Variants in RNF24 observed in about 807,000 individuals in gnomAD.
RNF24 encodes the protein ring finger protein 24.
In RNF24, 14 loss-of-function variants were observed where a neutral mutation model predicts 20.0. The observed-to-expected ratio is 0.70, with a 90% confidence interval of 0.46 to 1.10. RNF24 has a LOEUF of 1.10. RNF24 is among the 50% of genes least tolerant of loss of function. The pLI is 0.00. For missense variants in RNF24, 124 were observed against 177.6 expected (o/e 0.70, Z 1.71); for synonymous variants, 45 against 61.1 (o/e 0.74, Z 1.23).
intron 2 of RNF24, among the ~76,000 whole-genome samples, chr20:3,954,621 C>A (rs1416452334): frequency 6.6e-6 from 1 of 152,064 alleles, no homozygotes; most frequent in Non-Finnish European, 1.5e-5. Flanking sequence ...TTTTGAAGAA[C>A]TGGCCAGGTA....
intron 2 of RNF24, among the ~76,000 whole-genome samples, chr20:3,959,578 T>C (rs755146164): frequency 2.0e-4 from 30 of 152,240 alleles, no homozygotes; most frequent in Non-Finnish European, 3.8e-4. Context: ...AACTGGGGTA[T>C]GCATCACCCC....
At chr20:4,012,590 T>A (rs1167637679) in intron 1 of RNF24, among the ~76,000 whole-genome samples, 1 of 152,214 alleles carries the variant, frequency 6.6e-6, no homozygotes, top group African/African-American at 2.4e-5. Context: ...ATATTACTAT[T>A]CTAATGAATA....
chr20:3,972,968 C>T (rs1386408444), intron 1 of RNF24, among the ~76,000 whole-genome samples: 3 of 151,508 alleles, frequency 2.0e-5, no homozygotes, highest in South Asian at 2.1e-4. Context: ...TTTGGGAGGC[C>T]GAGGCGGGTG....
At chr20:4,008,294 G>C (rs1982044261) in intron 1 of RNF24, among the ~76,000 whole-genome samples, 1 of 125,206 alleles carries the variant, frequency 8.0e-6, no homozygotes, top group African/African-American at 3.1e-5. Context: ...CAGAGTCCAG[G>C]TGCAAGACTG....
In RNF24 at chr20:3,934,218, C is replaced by G; in HGVS notation, c.309-17G>C. The G allele has an allele frequency of 1.2e-6, 2 of 1,602,384 alleles. No individual in the cohort carries two copies. The highest frequency in any genetic ancestry group is 1.7e-6 in the Non-Finnish European group (2 of 1,174,402). On this transcript the variant is annotated splice_polypyrimidine_tract_variant and intron_variant, in intron 5 of 5. Coordinates refer to ENST00000358395, the MANE Select transcript of RNF24 (RefSeq NM_001134337.3). The surrounding 1 kb of genome is among the most constrained non-coding windows in gnomAD (Gnocchi z 4.0). Reference sequence around the variant, plus strand: ...ATAAGGCACCTGCAGAAGGAGACACCACAGGGGGAAGATGTCAGTCCTATG... The same window carrying G: ...ATAAGGCACCTGCAGAAGGAGACACGACAGGGGGAAGATGTCAGTCCTATG...
At chr20:3,963,684 A>C (rs2146989008) in intron 2 of RNF24, among the ~76,000 whole-genome samples, 191 bp downstream of exon 2, 1 of 152,386 alleles carries the variant, frequency 6.6e-6, no homozygotes, top group East Asian at 1.9e-4. Flanking sequence ...ACACTTCATC[A>C]GTAGATAAGA....
chr20:3,957,174 T>G (rs11907357), intron 2 of RNF24, among the ~76,000 whole-genome samples: 1 of 152,060 alleles, frequency 6.6e-6, no homozygotes, highest in Non-Finnish European at 1.5e-5. Flanking sequence ...GGTACACGCC[T>G]GTAATCCCAG....
At chr20:4,003,854 G>C (rs989594608) in intron 1 of RNF24, among the ~76,000 whole-genome samples, 8 of 152,004 alleles carry the variant, frequency 5.3e-5, no homozygotes, top group Non-Finnish European at 7.4e-5. Context: ...ATGTTGGACA[G>C]GCTGGTCTCA....
rs575352920 is a variant in RNF24, at chr20:3,938,037, G to C, written c.229-2964C>G. On this transcript the variant is annotated intron_variant, in intron 4 of 5. Coordinates refer to ENST00000358395, the MANE Select transcript of RNF24 (RefSeq NM_001134337.3). ...TACCTTTTTGAGGAGCTACCAAACC[G>C]ATTTCCAAAGCGGCTGCACCATTTT... is the stretch of plus-strand genomic sequence containing the variant. Among the ~76,000 whole-genome samples the C allele has an allele frequency of 3.3e-5, 5 of 152,292 alleles. No homozygotes were observed. In the East Asian group the frequency reaches 9.6e-4, roughly 29 times the overall value.
chr20:3,999,169 G>A (rs2147061516), intron 1 of RNF24, among the ~76,000 whole-genome samples: 1 of 152,300 alleles, frequency 6.6e-6, no homozygotes, highest in Non-Finnish European at 1.5e-5. Flanking sequence ...TAGTCAGCTG[G>A]AAAATTAGTT....
rs533398941 is a variant in RNF24 at position 3,934,796 on chromosome 20, T to A, written c.308+198A>T. Among the ~76,000 whole-genome samples the A allele has an allele frequency of 3.6e-4, 55 of 152,226 alleles. No homozygotes were observed. The highest frequency in any genetic ancestry group is 3.1e-3 in the Admixed American group (48 of 15,278). ...TCTGCCCATAGTCCTGACGTGGTGGTCACGTTCCACCACTCTGCTGTCTCC... is the reference window on the plus strand; with the variant it reads ...TCTGCCCATAGTCCTGACGTGGTGGACACGTTCCACCACTCTGCTGTCTCC... On this transcript the variant is annotated intron_variant, in intron 5 of 5. Coordinates refer to ENST00000358395, the MANE Select transcript of RNF24 (RefSeq NM_001134337.3). This position sits in a 1 kb window ranked among gnomAD's most constrained non-coding sequence, Gnocchi z 4.0.
intron 1 of RNF24, among the ~76,000 whole-genome samples, chr20:3,967,973 C>CAAAAAAAAAAAAA: frequency 1.3e-5 from 1 of 77,180 alleles, no homozygotes; most frequent in Non-Finnish European, 2.5e-5. Flanking sequence ...AGCCTGGCAA[C>CAAAAAAAAAAAAA]AAAAAAAAAA....
chr20:3,959,871 C>G (rs1297756853), intron 2 of RNF24, among the ~76,000 whole-genome samples: 1 of 152,172 alleles, frequency 6.6e-6, no homozygotes, highest in East Asian at 1.9e-4. Flanking sequence ...AATATCGTGC[C>G]AGGCACGATT....
chr20:3,948,863 T>A (rs1325477311), intron 2 of RNF24, among the ~76,000 whole-genome samples: 1 of 152,240 alleles, frequency 6.6e-6, no homozygotes, highest in African/African-American at 2.4e-5. Context: ...CTTGTGAGAT[T>A]CTTCCATATT....
chr20:3,956,999 T>TAGCTGGGCATC (rs891305237), intron 2 of RNF24, among the ~76,000 whole-genome samples: 1 of 151,764 alleles, frequency 6.6e-6, no homozygotes, highest in East Asian at 1.9e-4. Context: ...ATTGAAAAAT[T>TAGCTGGGCATC]AGCTGGGCAT....
chr20:4,014,053 G>A (rs73088415), intron 1 of RNF24, among the ~76,000 whole-genome samples: 4,203 of 152,338 alleles, frequency 0.028, 89 homozygotes, highest in Middle Eastern at 0.044. Flanking sequence ...CAGTCTGACA[G>A]AGTCAACGTT....
chr20:3,980,274 C>T (rs1568646855), intron 1 of RNF24, among the ~76,000 whole-genome samples: 1 of 152,212 alleles, frequency 6.6e-6, no homozygotes, highest in Non-Finnish European at 1.5e-5. Flanking sequence ...CTGCTATGTA[C>T]AGTAGTCCCT....
At chr20:3,977,604 G>A (rs6116142) in intron 1 of RNF24, among the ~76,000 whole-genome samples, 2,060 of 152,186 alleles carry the variant, frequency 0.014, 55 homozygotes, top group African/African-American at 0.047. Context: ...GGTGGCTCAC[G>A]CCTGTAATCC....
chr20:4,015,294 A>C (rs2122188715), intron 1 of RNF24, 143 bp downstream of exon 1: 4 of 150,134 alleles, frequency 2.7e-5, no homozygotes, highest in African/African-American at 4.9e-5. Flanking sequence ...CGGCCGGCCG[A>C]GGCGCCGGGA....
Sources: allele counts gnomAD v4.1 joint callset (sites outside exome capture counted in the v4.1 genomes callset), GRCh38; gene constraint gnomAD v4.1.1; non-coding constraint Gnocchi (gnomAD v3.1); transcripts MANE v1.5; gene names NCBI Gene and HGNC (gene_info 2026-07-23, HGNC 2026-07-21).